GLYATL2: variants seen among roughly 807,000 people sequenced by gnomAD.
The protein encoded by GLYATL2 is glycine N-acyltransferase-like protein 2.
GLYATL2 carries 25 observed loss-of-function variants against 21.4 expected under a neutral mutation model. That is an observed-to-expected ratio of 1.17 (90% CI 0.85 to 1.63). The LOEUF (loss-of-function observed/expected upper bound fraction) is 1.63, where lower values mean the gene tolerates loss of function less well. Among genes scored for constraint, GLYATL2 ranks in the 40% most tolerant of loss-of-function variants. The pLI is 0.00. For synonymous variants in GLYATL2, 114 were observed against 118.2 expected, an observed-to-expected ratio of 0.96 and a Z score of 0.23; for missense variants, 361 against 343.3, an observed-to-expected ratio of 1.05 and a Z score of -0.41.
chr11:58,870,935 T>C (rs1188615763), intron 1 of GLYATL2, among the ~76,000 whole-genome samples: 2 of 152,118 alleles, frequency 1.3e-5, no homozygotes, highest in Non-Finnish European at 2.9e-5. Context: ...CCATGAAGAA[T>C]TGTCTCCCAA....
intron 1 of GLYATL2, among the ~76,000 whole-genome samples, chr11:58,865,116 C>T (rs667889): frequency 0.88 from 129,250 of 147,118 alleles, 58,665 homozygotes; most frequent in Non-Finnish European, 0.98. Context: ...ACAGCTTTTT[C>T]TATGTCAGTC....
chr11:58,907,513 G>A, upstream of GLYATL2: 3 of 389,358 alleles, frequency 7.7e-6, no homozygotes, highest in South Asian at 5.8e-5. Flanking sequence ...CAGGCTAGGG[G>A]AAAATCCAGT....
intron 1 of GLYATL2, among the ~76,000 whole-genome samples, chr11:58,875,718 C>G (rs1187109738): frequency 1.3e-5 from 2 of 152,124 alleles, no homozygotes; most frequent in African/African-American, 4.8e-5. Flanking sequence ...TGGCTGCCCT[C>G]AACATTTTTT....
At chr11:58,852,323 A>T (rs1237681143) in intron 1 of GLYATL2, among the ~76,000 whole-genome samples, 1 of 152,212 alleles carries the variant, frequency 6.6e-6, no homozygotes, top group Admixed American at 6.5e-5. Flanking sequence ...TATTACCAGG[A>T]AAGTCTTTTA....
At chr11:58,900,462 C>T (rs1452085612) in intron 1 of GLYATL2, among the ~76,000 whole-genome samples, 1 of 152,158 alleles carries the variant, frequency 6.6e-6, no homozygotes, top group Non-Finnish European at 1.5e-5. Context: ...TATCTCTCTC[C>T]CTATTCTCTC....
At chr11:58,888,003 C>T (rs562722935) in intron 1 of GLYATL2, among the ~76,000 whole-genome samples, 112 of 152,222 alleles carry the variant, frequency 7.4e-4, no homozygotes, top group African/African-American at 2.6e-3. Flanking sequence ...AATGTTGTCC[C>T]TTTTCAATTT....
intron 1 of GLYATL2, among the ~76,000 whole-genome samples, chr11:58,851,813 T>C (rs972859164): frequency 6.6e-6 from 1 of 152,096 alleles, no homozygotes; most frequent in African/African-American, 2.4e-5. Context: ...CACTGGAAAG[T>C]TAGGACTGGA....
At chr11:58,861,128 C>T (rs1375178910) in intron 1 of GLYATL2, among the ~76,000 whole-genome samples, 1 of 151,960 alleles carries the variant, frequency 6.6e-6, no homozygotes. Flanking sequence ...GAAGTATTCC[C>T]TCTTGTTCGA....
intron 2 of GLYATL2, 61 bp from the exon 3 acceptor site, chr11:58,838,429 A>G: frequency 2.9e-6 from 3 of 1,031,840 alleles, no homozygotes; most frequent in Non-Finnish European, 4.4e-6. Flanking sequence ...AGAGTCTTAT[A>G]TGTGGAGAAA....
At chr11:58,902,094 G>A (rs1854750054) in intron 1 of GLYATL2, among the ~76,000 whole-genome samples, 1 of 152,142 alleles carries the variant, frequency 6.6e-6, no homozygotes, top group African/African-American at 2.4e-5. Context: ...AGTGTTAGCT[G>A]CCAGTACTTC....
chr11:58,843,192 A>C (rs1853584114), intron 1 of GLYATL2, among the ~76,000 whole-genome samples: 1 of 152,218 alleles, frequency 6.6e-6, no homozygotes, highest in South Asian at 2.1e-4. Flanking sequence ...GAGAGTTGGC[A>C]AGTTATTTTT....
At chr11:58,847,601 T>G (rs1016346288), upstream of GLYATL2, among the ~76,000 whole-genome samples, 4 of 152,208 alleles carry the variant, frequency 2.6e-5, no homozygotes, top group Admixed American at 2.0e-4. Context: ...GACTCCTCTG[T>G]CTTTGGAAAG....
intron 1 of GLYATL2, among the ~76,000 whole-genome samples, chr11:58,866,018 G>C (rs1314686021): frequency 6.7e-6 from 1 of 148,786 alleles, no homozygotes; most frequent in Non-Finnish European, 1.5e-5. Context: ...AAGAAAGCAT[G>C]TCCTGTGGAT....
At chr11:58,859,870 GACTGTTC>G (rs1239350609) in intron 1 of GLYATL2, among the ~76,000 whole-genome samples, 6 of 152,146 alleles carry the variant, frequency 3.9e-5, no homozygotes, top group African/African-American at 1.4e-4. Context: ...TTATTAAAGA[GACTGTTC>G]ACTCCTCATT....
intron 5 of GLYATL2, among the ~76,000 whole-genome samples, chr11:58,835,218 TCTGC>T (rs1853408360): frequency 6.6e-6 from 1 of 152,216 alleles, no homozygotes; most frequent in Admixed American, 6.5e-5. Context: ...CATTTTGAGT[TCTGC>T]ATCACAAGAT....
At chr11:58,834,941 C>G in intron 5 of GLYATL2, 104 bp from the exon 6 acceptor site, 1 of 788,296 alleles carries the variant, frequency 1.3e-6, no homozygotes, top group South Asian at 1.9e-5. Context: ...ACCCTACAGC[C>G]TGGAGGAGGC....
At position 58,841,087 on chromosome 11, in the gene GLYATL2, A is replaced by G. The variant is rs77218104; in HGVS notation, c.-40-1435T>C. ...AATACCTCATATGATACTTGAAGAC[A>G]ATATATAAGAATGGCCATATTTTCC... is the stretch of plus-strand genomic sequence containing the variant. On this transcript the variant is annotated intron_variant, in intron 1 of 5. Coordinates refer to ENST00000287275, the MANE Select transcript of GLYATL2 (RefSeq NM_145016.4). Among the ~76,000 whole-genome samples the G allele has an allele frequency of 9.2e-3, 1,405 of 152,196 alleles. 33 individuals carry two copies. Among genetic ancestry groups the G allele is most frequent in the African/African-American group, 0.032 (1,332 of 41,534 alleles).
intron 1 of GLYATL2, among the ~76,000 whole-genome samples, chr11:58,874,991 T>C (rs1854200110): frequency 6.6e-6 from 1 of 152,256 alleles, no homozygotes; most frequent in Non-Finnish European, 1.5e-5. Flanking sequence ...GGTGCATATA[T>C]ATTTAGGATA....
intron 1 of GLYATL2, among the ~76,000 whole-genome samples, chr11:58,862,060 C>A (rs1460263884): frequency 8.2e-4 from 18 of 21,826 alleles, no homozygotes; most frequent in Non-Finnish European, 4.9e-3. Flanking sequence ...AACAAACAAA[C>A]AAAAAAAAAC....
Sources: gnomAD v4.1 joint callset for allele counts (sites outside exome capture counted in the v4.1 genomes callset) on GRCh38, gnomAD v4.1.1 for gene constraint, MANE v1.5 for transcripts, NCBI Gene and HGNC (gene_info 2026-07-23, HGNC 2026-07-21) for gene names.